The following CADM2 variants were observed in gnomAD, a reference collection of about 807,000 sequenced individuals.
CADM2 encodes immunoglobulin superfamily member 4D.
A neutral mutation model predicts 49.8 loss-of-function variants in CADM2; 12 were observed. The ratio of observed to expected loss-of-function variants is 0.24; its 90% CI spans 0.15 to 0.39. The LOEUF (loss-of-function observed/expected upper bound fraction) is 0.39. CADM2 is among the 10% of genes least tolerant of loss of function. CADM2 has a pLI of 1.00. For synonymous variants in CADM2, 214 were observed against 175.4 expected (o/e 1.22, Z -1.74); for missense variants, 378 against 492.3 (o/e 0.77, Z 2.20).
intron 8 of CADM2, among the ~76,000 whole-genome samples, chr3:86,056,189 C>A (rs773987307): frequency 7.2e-5 from 11 of 152,120 alleles, no homozygotes; most frequent in Admixed American, 2.0e-4. Flanking sequence ...GGAGGTGAAG[C>A]GTTTTGTGAA....
chr3:85,423,554 A>G (rs2036269769), intron 1 of CADM2, among the ~76,000 whole-genome samples: 1 of 152,186 alleles, frequency 6.6e-6, no homozygotes, highest in African/African-American at 2.4e-5. Context: ...GAAGCTATGG[A>G]AAGACTCAAC....
chr3:85,924,103 A>C (rs995228770), intron 6 of CADM2, among the ~76,000 whole-genome samples: 1 of 152,244 alleles, frequency 6.6e-6, no homozygotes, highest in Non-Finnish European at 1.5e-5. Context: ...TAGATTTATA[A>C]GATGATTTAA....
chr3:85,099,494 C>G (rs1214644168), intron 1 of CADM2, among the ~76,000 whole-genome samples: 2 of 143,534 alleles, frequency 1.4e-5, no homozygotes, highest in Non-Finnish European at 3.0e-5. Flanking sequence ...TTCTGAGACA[C>G]AGTCTCACTC....
intron 1 of CADM2, among the ~76,000 whole-genome samples, chr3:85,246,313 G>T (rs1435129445): frequency 6.6e-6 from 1 of 152,018 alleles, no homozygotes; most frequent in Non-Finnish European, 1.5e-5. Context: ...GGGGAAGGGG[G>T]TAGGGAAAGC....
At chr3:85,747,272 G>A (rs943259403) in intron 2 of CADM2, among the ~76,000 whole-genome samples, 7 of 151,776 alleles carry the variant, frequency 4.6e-5, no homozygotes, top group African/African-American at 1.7e-4. Context: ...TCCATCTTAC[G>A]AGATGGAAAT....
chr3:85,614,152 T>G (rs2063742806), intron 1 of CADM2, among the ~76,000 whole-genome samples: 1 of 151,632 alleles, frequency 6.6e-6, no homozygotes, highest in Non-Finnish European at 1.5e-5. Flanking sequence ...GGTATGAAGA[T>G]ATATTCACCA....
intron 1 of CADM2, among the ~76,000 whole-genome samples, chr3:85,098,256 GA>G (rs5850666): frequency 0.48 from 56,299 of 117,308 alleles, 12,356 homozygotes; most frequent in Middle Eastern, 0.6. Flanking sequence ...CATTATCGTA[GA>G]AAAAAAAAAA....
At chr3:85,260,558 A>G (rs949276729) in intron 1 of CADM2, among the ~76,000 whole-genome samples, 7 of 152,170 alleles carry the variant, frequency 4.6e-5, no homozygotes, top group Non-Finnish European at 8.8e-5. Flanking sequence ...CACCTGTCAC[A>G]TGAGTACTCC....
At chr3:85,308,061 A>G (rs997646866) in intron 1 of CADM2, among the ~76,000 whole-genome samples, 1 of 151,824 alleles carries the variant, frequency 6.6e-6, no homozygotes, top group Non-Finnish European at 1.5e-5. Context: ...TCTTAAAGCC[A>G]TCAGACAGTA....
At chr3:86,039,604 G>C (rs1559817781) in intron 8 of CADM2, among the ~76,000 whole-genome samples, 1 of 152,154 alleles carries the variant, frequency 6.6e-6, no homozygotes, top group Non-Finnish European at 1.5e-5. Context: ...ATTGGGTGGA[G>C]CCCACTGCAG....
At chr3:84,965,171 A>G (rs929104188) in intron 1 of CADM2, among the ~76,000 whole-genome samples, 2 of 152,234 alleles carry the variant, frequency 1.3e-5, no homozygotes, top group East Asian at 3.8e-4. Flanking sequence ...CCAACATTTT[A>G]TTTGAAAATG....
At chr3:85,409,628 G>A (rs950427946) in intron 1 of CADM2, among the ~76,000 whole-genome samples, 13 of 152,108 alleles carry the variant, frequency 8.5e-5, no homozygotes, top group African/African-American at 2.2e-4. Context: ...TTTTGAAAGC[G>A]TACTGGAGGA....
At chr3:85,361,926 G>A (rs2107281995) in intron 1 of CADM2, among the ~76,000 whole-genome samples, 1 of 152,316 alleles carries the variant, frequency 6.6e-6, no homozygotes, top group East Asian at 1.9e-4. Flanking sequence ...CATATGTATT[G>A]TATTTCAAAG....
intron 1 of CADM2, among the ~76,000 whole-genome samples, chr3:85,392,091 C>T: frequency 6.6e-6 from 1 of 151,964 alleles, no homozygotes; most frequent in Admixed American, 6.6e-5. Flanking sequence ...ATAATATTTT[C>T]AAAATCACTT....
At chr3:85,498,221 C>A (rs1315123522) in intron 1 of CADM2, among the ~76,000 whole-genome samples, 4 of 144,100 alleles carry the variant, frequency 2.8e-5, no homozygotes, top group Non-Finnish European at 4.5e-5. Flanking sequence ...GGTTATTTCA[C>A]TGTTAAAAAT....
intron 1 of CADM2, among the ~76,000 whole-genome samples, chr3:85,287,337 G>C (rs1462954916): frequency 6.7e-6 from 1 of 149,920 alleles, no homozygotes; most frequent in Non-Finnish European, 1.5e-5. Flanking sequence ...TTTTTTCTTT[G>C]AATATATGTA....
chr3:85,460,521 G>A (rs575153996), intron 1 of CADM2, among the ~76,000 whole-genome samples: 2 of 152,232 alleles, frequency 1.3e-5, no homozygotes, highest in Admixed American at 1.3e-4. Flanking sequence ...TTTTGAAGGA[G>A]GTATGAAGGT....
At chr3:85,027,990 C>A (rs1033055445) in intron 1 of CADM2, among the ~76,000 whole-genome samples, 1 of 151,882 alleles carries the variant, frequency 6.6e-6, no homozygotes, top group Non-Finnish European at 1.5e-5. Context: ...CCTTTCAAAT[C>A]ATTTTGCTAT....
In CADM2 at chr3:85,157,980, A is replaced by C. The variant is rs527463182; in HGVS notation, c.61+198312A>C. Among the ~76,000 whole-genome samples the C allele has an allele frequency of 4.6e-5, 7 of 152,324 alleles. No homozygotes were observed. In the East Asian group the frequency reaches 9.6e-4, roughly 21 times the overall value. On this transcript the variant is annotated intron_variant, in intron 1 of 9. Coordinates refer to ENST00000383699, the MANE Select transcript of CADM2 (RefSeq NM_001167675.2). Reference sequence around the variant, plus strand: ...AATATCCAGAATCTACAATGAACTCAAACAAATTTACAAGAAAAAAACAAA... The same window carrying C: ...AATATCCAGAATCTACAATGAACTCCAACAAATTTACAAGAAAAAAACAAA...
Sources: allele counts gnomAD v4.1 joint callset (sites outside exome capture counted in the v4.1 genomes callset), GRCh38; gene constraint gnomAD v4.1.1; transcripts MANE v1.5; gene names NCBI Gene and HGNC (gene_info 2026-07-23, HGNC 2026-07-21).